KCNH8: variants seen among roughly 807,000 people sequenced by gnomAD.
KCNH8 encodes the protein potassium voltage-gated channel subfamily H member 8, also known as voltage-gated delayed rectifier potassium channel KCNH8.
KCNH8 carries 70 observed loss-of-function variants against 103.6 expected under a neutral mutation model. The observed-to-expected ratio is 0.68, with a 90% CI of 0.56 to 0.82. KCNH8 has a LOEUF of 0.82. Ranked by LOEUF, KCNH8 falls within the 40% of genes least tolerant of loss-of-function variation. The pLI, the probability that KCNH8 is intolerant of heterozygous loss-of-function variation, is 0.00. For synonymous variants in KCNH8, 498 were observed against 489.4 expected (o/e 1.02, Z -0.23); for missense variants, 1,217 against 1,329.9 (o/e 0.92, Z 1.32).
At chr3:19,458,530 T>C (rs1439595757) in intron 11 of KCNH8, among the ~76,000 whole-genome samples, 1 of 151,980 alleles carries the variant, frequency 6.6e-6, no homozygotes, top group Non-Finnish European at 1.5e-5. Flanking sequence ...CAAATATGTA[T>C]ACATTTTGGA....
At chr3:19,465,565 T>A (rs922657176) in intron 11 of KCNH8, among the ~76,000 whole-genome samples, 1 of 152,230 alleles carries the variant, frequency 6.6e-6, no homozygotes, top group Middle Eastern at 3.4e-3. Flanking sequence ...TAATTTCAAC[T>A]TTCAAGTCTT....
Position 19,533,740 on chromosome 3 carries a change from CCAAGCCT to C in KCNH8, c.2966_2972del (p.Pro989LeufsTer19). Reference sequence around the variant, plus strand: ...TGCAGACAGTGAACTTTATCATTCTCCAAGCCTTGATTATTCACCTTCCCACTACCAG... The same window carrying C: ...TGCAGACAGTGAACTTTATCATTCTCTGATTATTCACCTTCCCACTACCAG... On this transcript the variant is annotated frameshift_variant, in exon 16 of 16. Transcript: ENST00000328405. LOFTEE classifies it high-confidence loss of function. 1 of 1,614,170 alleles carries C rather than the reference CCAAGCCT, an allele frequency of 6.2e-7. No homozygotes were observed. The highest frequency in any genetic ancestry group is 1.1e-5 in the South Asian group (1 of 91,088).
rs1422259562 is a variant in KCNH8, at chr3:19,390,953, T to C, written c.969+315T>C. ...TCATCTGTAGGAATTTAAGCATCACTTTATATTACCTAGGCAGATACATGT... is the reference window on the plus strand; with the variant it reads ...TCATCTGTAGGAATTTAAGCATCACCTTATATTACCTAGGCAGATACATGT... On this transcript the variant is annotated intron_variant, in intron 6 of 15. Transcript: ENST00000328405. Among the ~76,000 whole-genome samples the C allele has an allele frequency of 2.0e-5, 3 of 152,146 alleles. No individual in the cohort carries two copies. In the East Asian group the frequency reaches 5.8e-4, roughly 29 times the overall value.
rs57523893 is a variant in KCNH8, at chr3:19,403,361, A to AATATATATATATATATAT, written c.1177+8072_1177+8089dup. On this transcript the variant is annotated intron_variant, in intron 7 of 15. Coordinates refer to ENST00000328405, the MANE Select transcript of KCNH8 (RefSeq NM_144633.3). ...CCCCCCATGAAATACATATGTAAAG[A>AATATATATATATATATAT]ATATATATATATATATATATATATA... Among the ~76,000 whole-genome samples, 140 of 124,586 alleles carry AATATATATATATATATAT rather than the reference A, an allele frequency of 1.1e-3. 2 individuals carry two copies. Among genetic ancestry groups the AATATATATATATATATAT allele is most frequent in the Non-Finnish European group, 1.6e-3 (90 of 56,406 alleles). The allele number at this position is 124,586 out of a possible 152,430, so 81.7% of individuals were successfully genotyped here. A position where few individuals can be genotyped will look rare whatever the true frequency, so the allele number is the denominator to read the frequency against.
intron 7 of KCNH8, among the ~76,000 whole-genome samples, chr3:19,412,287 T>TA (rs2066792309): frequency 6.6e-6 from 1 of 151,840 alleles, no homozygotes; most frequent in Non-Finnish European, 1.5e-5. Flanking sequence ...AAATAAGCAA[T>TA]GGGGGAAAAG....
chr3:19,346,344 A>C (rs1201183813), intron 4 of KCNH8, among the ~76,000 whole-genome samples: 2 of 152,086 alleles, frequency 1.3e-5, no homozygotes, highest in Non-Finnish European at 2.9e-5. Flanking sequence ...CCAGAGAATG[A>C]GACAAAGGAG....
chr3:19,332,853 G>T (rs1047883304), intron 3 of KCNH8, among the ~76,000 whole-genome samples: 1 of 152,004 alleles, frequency 6.6e-6, no homozygotes, highest in African/African-American at 2.4e-5. Context: ...GGCTGGTCTT[G>T]AACTCCTGAC....
At chr3:19,217,620 T>G (rs926894830) in intron 1 of KCNH8, among the ~76,000 whole-genome samples, 7 of 152,216 alleles carry the variant, frequency 4.6e-5, no homozygotes, top group Admixed American at 2.6e-4. Context: ...GTTACAGATA[T>G]GTAAACTGAG....
rs529210074 is a variant in KCNH8 at position 19,207,206 on chromosome 3, CA to C, written c.77-46447del. Among the ~76,000 whole-genome samples the C allele has an allele frequency of 2.9e-3, 447 of 151,838 alleles. 1 individual carries two copies. The highest frequency in any genetic ancestry group is 4.6e-3 in the Non-Finnish European group (311 of 67,886). ...AAACTTATCAAAGATAATGAAGCAT[CA>C]GGGGTAAAAAAAGAGCTTTTTGGGA... is the stretch of plus-strand genomic sequence containing the variant. On this transcript the variant is annotated intron_variant, in intron 1 of 15. Coordinates refer to ENST00000328405, the MANE Select transcript of KCNH8 (RefSeq NM_144633.3).
chr3:19,261,714 T>C (rs561264988), intron 2 of KCNH8, among the ~76,000 whole-genome samples: 19 of 151,912 alleles, frequency 1.3e-4, no homozygotes, highest in Non-Finnish European at 2.1e-4. Flanking sequence ...CTATATTTTC[T>C]GCTAAGTGTT....
chr3:19,450,338 G>A, intron 9 of KCNH8, 33 bp downstream of exon 9: 1 of 1,542,394 alleles, frequency 6.5e-7, no homozygotes, highest in Non-Finnish European at 9.0e-7. Context: ...TTTTCAGGCA[G>A]AAAGCACATA....
At chr3:19,506,613 G>T (rs536770891) in intron 11 of KCNH8, among the ~76,000 whole-genome samples, 15 of 152,182 alleles carry the variant, frequency 9.9e-5, no homozygotes, top group Admixed American at 6.5e-4. Flanking sequence ...TGCAGATCTC[G>T]GTTTGGCTCT....
At chr3:19,372,220 G>A (rs1296972215) in intron 5 of KCNH8, among the ~76,000 whole-genome samples, 7 of 152,090 alleles carry the variant, frequency 4.6e-5, no homozygotes, top group African/African-American at 1.2e-4. Context: ...CCATTTTCAC[G>A]ATATTGATTC....
At chr3:19,212,791 C>T (rs2063783424) in intron 1 of KCNH8, among the ~76,000 whole-genome samples, 1 of 152,128 alleles carries the variant, frequency 6.6e-6, no homozygotes, top group African/African-American at 2.4e-5. Context: ...AGCATATCAG[C>T]AATTCTTCAG....
chr3:19,486,143 A>T (rs991758393), intron 11 of KCNH8, among the ~76,000 whole-genome samples: 1 of 152,216 alleles, frequency 6.6e-6, no homozygotes, highest in Admixed American at 6.5e-5. Context: ...TCCCATCTAC[A>T]TATAACTCCC....
intron 7 of KCNH8, among the ~76,000 whole-genome samples, chr3:19,417,583 C>A (rs1283186723): frequency 9.9e-5 from 15 of 151,900 alleles, no homozygotes; most frequent in Admixed American, 9.8e-4. Context: ...AATCTTCAAT[C>A]CTTCAAACAG....
At chr3:19,432,710 A>G (rs1364217123) in intron 7 of KCNH8, among the ~76,000 whole-genome samples, 1 of 152,192 alleles carries the variant, frequency 6.6e-6, no homozygotes, top group African/African-American at 2.4e-5. Context: ...CCATGAAATA[A>G]ATGCCCATGT....
At chr3:19,427,937 C>G (rs773626578) in intron 7 of KCNH8, among the ~76,000 whole-genome samples, 1 of 152,082 alleles carries the variant, frequency 6.6e-6, no homozygotes, top group Non-Finnish European at 1.5e-5. Flanking sequence ...GTAGCTATTT[C>G]TATGAAAGAG....
Position 19,299,562 on chromosome 3 carries a change from A to C in KCNH8, c.442+18233A>C, listed in dbSNP as rs1288819078. 2.0e-5 allele frequency among the ~76,000 whole-genome samples: 3 copies of C among 152,210 alleles called. No individual in the cohort carries two copies. In the East Asian group the frequency reaches 5.8e-4, roughly 29 times the overall value. On this transcript the variant is annotated intron_variant, in intron 3 of 15. Transcript: ENST00000328405. Reference sequence around the variant, plus strand: ...ATTTCCAAATTAGAGATGATTATTCACATTTTTAAATCTCTACAACAAACC... The same window carrying C: ...ATTTCCAAATTAGAGATGATTATTCCCATTTTTAAATCTCTACAACAAACC...
Sources: gnomAD v4.1 joint callset for allele counts (sites outside exome capture counted in the v4.1 genomes callset) on GRCh38, gnomAD v4.1.1 for gene constraint, MANE v1.5 for transcripts, NCBI Gene and HGNC (gene_info 2026-07-23, HGNC 2026-07-21) for gene names.